NARS2: variants seen among roughly 807,000 people sequenced by gnomAD.
NARS2 encodes the protein asparaginyl-tRNA synthetase.
NARS2 carries 60 observed loss-of-function variants against 62.9 expected under a neutral mutation model. The observed-to-expected ratio is 0.95, with a 90% CI of 0.77 to 1.18. The LOEUF is 1.18. Among genes scored for constraint, NARS2 ranks in the 50% most tolerant of loss-of-function variants. The pLI, the probability that NARS2 is intolerant of heterozygous loss-of-function variation, is 0.00. For synonymous variants in NARS2, 196 were observed against 200.0 expected, an observed-to-expected ratio of 0.98 and a Z score of 0.17; for missense variants, 619 against 576.4, an observed-to-expected ratio of 1.07 and a Z score of -0.76.
chr11:78,472,978 C>T (rs1401223576), intron 9 of NARS2, among the ~76,000 whole-genome samples: 1 of 152,170 alleles, frequency 6.6e-6, no homozygotes, highest in African/African-American at 2.4e-5. Flanking sequence ...GTGGCTACCC[C>T]GCACATTTTA....
In NARS2 at chr11:78,551,949, A is replaced by G. The variant is rs565715889; in HGVS notation, c.594+7590T>C. Among the ~76,000 whole-genome samples, 17 of 152,288 alleles carry G rather than the reference A, an allele frequency of 1.1e-4. No homozygotes were observed. In the South Asian group the frequency reaches 3.3e-3, roughly 30 times the overall value. On this transcript the variant is annotated intron_variant, in intron 5 of 13. Coordinates refer to ENST00000281038, the MANE Select transcript of NARS2 (RefSeq NM_024678.6). ...CAACTTTATTTCCTATGATTCACCA[A>G]TACGAACCTTCTCATGTATCTCTCC...
chr11:78,498,782 T>A (rs1460028516), intron 6 of NARS2, among the ~76,000 whole-genome samples: 2 of 151,424 alleles, frequency 1.3e-5, no homozygotes, highest in Non-Finnish European at 2.9e-5. Context: ...TTTACATCAA[T>A]CGATGTGATT....
chr11:78,564,291 G>A (rs1856666201), intron 4 of NARS2, among the ~76,000 whole-genome samples: 1 of 152,116 alleles, frequency 6.6e-6, no homozygotes, highest in African/African-American at 2.4e-5. Context: ...CACCTCCTGG[G>A]CTCAAGTGAT....
intron 5 of NARS2, chr11:78,555,167 T>C (rs1024703991): frequency 6.6e-6 from 1 of 152,196 alleles, no homozygotes; most frequent in Non-Finnish European, 1.5e-5. Context: ...TCAATGTTCA[T>C]CAAGGTTACT....
Position 78,459,364 on chromosome 11 carries a change from G to C in NARS2, c.1164+6512C>G, listed in dbSNP as rs562540905. On this transcript the variant is annotated intron_variant, in intron 11 of 13. Coordinates refer to ENST00000281038, the MANE Select transcript of NARS2 (RefSeq NM_024678.6). The stretch of plus-strand genomic sequence containing the variant: ...CGGCTCACTGCAACCTCTGCCTCTC[G>C]GGTTCAAGCGATTCTCCTGCCTAAG... Among the ~76,000 whole-genome samples, 3 of 150,902 alleles carry C rather than the reference G, an allele frequency of 2.0e-5. No homozygotes were observed. The East Asian group carries it at 5.8e-4, about 29-fold the overall frequency.
chr11:78,471,157 G>A (rs1039974415), intron 9 of NARS2, among the ~76,000 whole-genome samples: 1 of 152,166 alleles, frequency 6.6e-6, no homozygotes, highest in Admixed American at 6.5e-5. Flanking sequence ...GGTGGCAGTG[G>A]TGTTGGTAGT....
intron 13 of NARS2, among the ~76,000 whole-genome samples, chr11:78,439,522 A>G (rs1857511012): frequency 6.6e-6 from 1 of 152,216 alleles, no homozygotes; most frequent in Non-Finnish European, 1.5e-5. Context: ...GTAGATACTT[A>G]ACCTGTATTG....
intron 4 of NARS2, among the ~76,000 whole-genome samples, chr11:78,562,031 T>TCAAAAAA (rs60769770): frequency 0.022 from 3,384 of 151,078 alleles, 118 homozygotes; most frequent in African/African-American, 0.078. Flanking sequence ...CGAGACTCTG[T>TCAAAAAA]CAAAAAACAA....
chr11:78,486,728 A>G (rs1208054919), intron 7 of NARS2, among the ~76,000 whole-genome samples: 1 of 152,182 alleles, frequency 6.6e-6, no homozygotes, highest in Non-Finnish European at 1.5e-5. Context: ...CGGACATACA[A>G]AGAACCAGGA....
intron 6 of NARS2, among the ~76,000 whole-genome samples, chr11:78,522,119 ATTTTTTT>A (rs59159824): frequency 5.9e-5 from 8 of 134,960 alleles, no homozygotes; most frequent in African/African-American, 2.2e-4. Context: ...CATCCAGCTA[ATTTTTTT>A]TTTTTTTTTT....
rs117095629 is a variant in NARS2 at position 78,436,638 on chromosome 11, T to C, written c.*32A>G. The C allele has an allele frequency of 3.5e-3, 5,652 of 1,612,596 alleles. 15 individuals are homozygous for C. Among genetic ancestry groups the C allele is most frequent in the Non-Finnish European group, 4.5e-3 (5,252 of 1,178,858 alleles). ...ACAATCATGTGCAGTGTCTCTGCCA[T>C]GGGGGGTGCTTTTCCTTAACCAATC... On this transcript the variant is annotated 3_prime_UTR_variant, in exon 14 of 14. Coordinates refer to ENST00000281038, the MANE Select transcript of NARS2 (RefSeq NM_024678.6).
At chr11:78,447,944 C>T (rs1196148702) in intron 11 of NARS2, among the ~76,000 whole-genome samples, 1 of 151,940 alleles carries the variant, frequency 6.6e-6, no homozygotes, top group East Asian at 1.9e-4. Flanking sequence ...TCAAAAGGTG[C>T]AAAATTTCAG....
At chr11:78,517,282 G>C (rs1487344690) in intron 6 of NARS2, among the ~76,000 whole-genome samples, 2 of 152,122 alleles carry the variant, frequency 1.3e-5, no homozygotes, top group East Asian at 3.8e-4. Flanking sequence ...TCCTGAGACA[G>C]GGAATTCAGG....
intron 11 of NARS2, among the ~76,000 whole-genome samples, chr11:78,445,955 G>T (rs1346908827): frequency 6.6e-6 from 1 of 151,916 alleles, no homozygotes; most frequent in Admixed American, 6.6e-5. Context: ...GCAAGACCTT[G>T]TCTCAAAAAA....
At chr11:78,557,579 G>A (rs1214317776) in intron 5 of NARS2, among the ~76,000 whole-genome samples, 6 of 152,182 alleles carry the variant, frequency 3.9e-5, no homozygotes, top group Non-Finnish European at 5.9e-5. Context: ...TAGGAGCCTA[G>A]GATCAATGAA....
At chr11:78,539,256 A>G (rs923105923) in intron 5 of NARS2, among the ~76,000 whole-genome samples, 11 of 152,154 alleles carry the variant, frequency 7.2e-5, no homozygotes, top group South Asian at 2.1e-4. Flanking sequence ...GCTTGAATTA[A>G]ACTGGTAACA....
intron 7 of NARS2, among the ~76,000 whole-genome samples, chr11:78,481,114 C>A (rs530645539): frequency 2.2e-4 from 33 of 151,412 alleles, no homozygotes; most frequent in Admixed American, 4.6e-4. Context: ...AGCCACCACA[C>A]CTGGCCTAAC....
chr11:78,445,485 G>T (rs1021247874), intron 11 of NARS2, among the ~76,000 whole-genome samples: 10 of 152,282 alleles, frequency 6.6e-5, no homozygotes, highest in Non-Finnish European at 1.3e-4. Context: ...GCCAAGTGCA[G>T]TGGCGCATGC....
intron 10 of NARS2, 91 bp from the exon 11 acceptor site, chr11:78,466,104 G>C: frequency 1.5e-6 from 2 of 1,338,620 alleles, no homozygotes; most frequent in Non-Finnish European, 2.0e-6. Context: ...AATTCTAAGG[G>C]CTTCATCTTC....
Sources: gnomAD v4.1 joint callset for allele counts (sites outside exome capture counted in the v4.1 genomes callset) on GRCh38, gnomAD v4.1.1 for gene constraint, MANE v1.5 for transcripts, NCBI Gene and HGNC (gene_info 2026-07-23, HGNC 2026-07-21) for gene names.